The following KYAT1 variants were observed in gnomAD, a reference collection of about 807,000 sequenced individuals.
KYAT1 encodes kynurenine aminotransferase 1.
A neutral mutation model predicts 52.4 loss-of-function variants in KYAT1; 47 were observed. The ratio of observed to expected loss-of-function variants is 0.90; its 90% confidence interval spans 0.71 to 1.14. KYAT1 has a LOEUF of 1.14. Ranked by LOEUF, KYAT1 falls within the 50% of genes most tolerant of loss-of-function variation. The pLI is 0.00. For synonymous variants in KYAT1, 212 were observed against 209.6 expected, an observed-to-expected ratio of 1.01 and a Z score of -0.10; for missense variants, 480 against 557.9, an observed-to-expected ratio of 0.86 and a Z score of 1.41.
intron 1 of KYAT1, among the ~76,000 whole-genome samples, chr9:128,876,808 C>A (rs982238547): frequency 1.3e-5 from 2 of 149,496 alleles, no homozygotes; most frequent in Non-Finnish European, 3.0e-5. Context: ...CTCACTGCAA[C>A]CCCCACCTGC....
At chr9:128,865,330 T>TAC (rs1836110118) in intron 1 of KYAT1, among the ~76,000 whole-genome samples, 3 of 2,464 alleles carry the variant, frequency 1.2e-3, no homozygotes, top group African/African-American at 2.6e-3. Flanking sequence ...TATATATATA[T>TAC]ATATATATAT....
chr9:128,843,653 A>G (rs1832606014), intron 2 of KYAT1, among the ~76,000 whole-genome samples: 1 of 152,172 alleles, frequency 6.6e-6, no homozygotes, highest in South Asian at 2.1e-4. Flanking sequence ...AAGTGCTAGC[A>G]GTACAGGCGT....
chr9:128,852,522 TTGA>T (rs1184322516), intron 1 of KYAT1, among the ~76,000 whole-genome samples: 2 of 152,220 alleles, frequency 1.3e-5, no homozygotes, highest in Non-Finnish European at 2.9e-5. Context: ...ATTCATTATG[TTGA>T]TGATATTTTG....
intron 1 of KYAT1, among the ~76,000 whole-genome samples, chr9:128,873,765 AG>A (rs1302605534): frequency 6.6e-6 from 1 of 151,532 alleles, no homozygotes; most frequent in Non-Finnish European, 1.5e-5. Context: ...CATCTCAAAA[AG>A]AAAAAAAAAA....
At chr9:128,856,151 T>C (rs1239711877) in intron 1 of KYAT1, among the ~76,000 whole-genome samples, 2 of 152,174 alleles carry the variant, frequency 1.3e-5, no homozygotes, top group Admixed American at 6.5e-5. Flanking sequence ...GAAGAGAAGA[T>C]AACCTTACTT....
At chr9:128,845,179 T>G (rs1051567392) in intron 2 of KYAT1, among the ~76,000 whole-genome samples, 174 bp downstream of exon 2, 1 of 152,112 alleles carries the variant, frequency 6.6e-6, no homozygotes, top group East Asian at 1.9e-4. Flanking sequence ...AGAAGAAAGC[T>G]GAGATTTGAA....
intron 1 of KYAT1, among the ~76,000 whole-genome samples, chr9:128,850,418 AG>A (rs755965910): frequency 4.6e-5 from 7 of 152,210 alleles, no homozygotes; most frequent in Admixed American, 1.3e-4. Flanking sequence ...GTAGGGAACC[AG>A]GGTTTAAGGG....
Position 128,837,807 on chromosome 9 carries a change from T to A in KYAT1, c.445A>T (p.Ile149Phe). The change falls in exon 6 of 13, where the codon ATC becomes TTC. Residue 149 changes from isoleucine (I) to phenylalanine (F), a missense_variant. Physicochemically the swap from Ile to Phe is conservative, Grantham distance 21. Transcript: ENST00000302586. The part of the protein sequence containing the change: ...PVFVSLKPGP[I>F]QNGELGSSSN... ...CTGGAACCCAGTTCTCCATTCTGGA[T>A]GGGACCCTGCAAGAGCAGGTGGCAT... 1.9e-6 allele frequency: 3 copies of A among 1,614,038 alleles called. No individual in the cohort carries two copies. The highest frequency in any genetic ancestry group is 2.5e-6 in the Non-Finnish European group (3 of 1,179,968).
intron 1 of KYAT1, among the ~76,000 whole-genome samples, chr9:128,881,346 G>T (rs1838864898): frequency 6.6e-6 from 1 of 152,184 alleles, no homozygotes; most frequent in South Asian, 2.1e-4. Context: ...CTCCCAAAGT[G>T]CTGGGATTAC....
chr9:128,879,452 T>A (rs1272524680), intron 1 of KYAT1, among the ~76,000 whole-genome samples: 1 of 152,148 alleles, frequency 6.6e-6, no homozygotes, highest in African/African-American at 2.4e-5. Flanking sequence ...CCCACCTGGA[T>A]TATAAAATCA....
chr9:128,870,360 A>G (rs747408166), intron 1 of KYAT1, among the ~76,000 whole-genome samples: 2 of 152,222 alleles, frequency 1.3e-5, no homozygotes, highest in Non-Finnish European at 2.9e-5. Flanking sequence ...AAATATATTA[A>G]GTGAGGCCAG....
At chr9:128,844,287 A>G (rs923309965) in intron 2 of KYAT1, among the ~76,000 whole-genome samples, 3 of 152,188 alleles carry the variant, frequency 2.0e-5, no homozygotes, top group African/African-American at 4.8e-5. Context: ...TTATGCCTGT[A>G]TTCCCCAGCA....
intron 1 of KYAT1, among the ~76,000 whole-genome samples, chr9:128,848,318 C>CAAAAAAAAAAAAAAAAAAA (rs56157823): frequency 1.4e-5 from 1 of 73,592 alleles, no homozygotes. Flanking sequence ...AGATATGTCT[C>CAAAAAAAAAAAAAAAAAAA]AAAAAAAAAA....
intron 6 of KYAT1, among the ~76,000 whole-genome samples, chr9:128,837,395 T>C (rs1429043238): frequency 6.6e-6 from 1 of 152,232 alleles, no homozygotes; most frequent in African/African-American, 2.4e-5. Context: ...GTCAGTTCCC[T>C]CAGGTTCCCA....
chr9:128,834,911 T>A (rs6478855), intron 11 of KYAT1, among the ~76,000 whole-genome samples: 2 of 148,334 alleles, frequency 1.3e-5, no homozygotes, highest in Non-Finnish European at 3.0e-5. Context: ...CCGAGGCAGG[T>A]GGATTACAAG....
intron 3 of KYAT1, among the ~76,000 whole-genome samples, chr9:128,838,770 G>A (rs963317392): frequency 1.3e-5 from 2 of 152,088 alleles, no homozygotes; most frequent in South Asian, 2.1e-4. Context: ...TGCCAGGCCC[G>A]AAGCCCAGGG....
intron 3 of KYAT1, among the ~76,000 whole-genome samples, chr9:128,839,947 C>T (rs1282432177): frequency 6.6e-6 from 1 of 151,938 alleles, no homozygotes; most frequent in Admixed American, 6.6e-5. Flanking sequence ...GTCCCAGGTA[C>T]TCGGGAGGCT....
rs1411694723 is a variant in KYAT1, at chr9:128,835,318, C to A, written c.1122+5G>T. The A allele has an allele frequency of 2.5e-6, 4 of 1,612,932 alleles. No homozygotes were observed. The highest frequency in any genetic ancestry group is 2.5e-6 in the Non-Finnish European group (3 of 1,179,192). On this transcript the variant is annotated splice_donor_5th_base_variant and intron_variant, in intron 11 of 12. Transcript: ENST00000302586. ...ACATGGCTGCCTGGCAGAGGCCCAG[C>A]CCACCTTGTTCTTGATCATCCACTT...
Position 128,842,814 on chromosome 9 carries a change from T to A in KYAT1, c.54-13A>T, listed in dbSNP as rs1209738472. 6.2e-7 allele frequency: 1 copy of A among 1,610,912 alleles called. No individual in the cohort carries two copies. Among genetic ancestry groups the A allele is most frequent in the Non-Finnish European group, 8.5e-7 (1 of 1,178,496 alleles). On this transcript the variant is annotated splice_polypyrimidine_tract_variant and intron_variant, in intron 2 of 12. Transcript: ENST00000302586. ...CACAAACTCCACCCTGGGTAACAAATGGAGAATCAGCACCAGCCCAGCCCT... is the reference window on the plus strand; with the variant it reads ...CACAAACTCCACCCTGGGTAACAAAAGGAGAATCAGCACCAGCCCAGCCCT...
Sources: allele counts gnomAD v4.1 joint callset (sites outside exome capture counted in the v4.1 genomes callset), GRCh38; gene constraint gnomAD v4.1.1; transcripts MANE v1.5; gene names NCBI Gene and HGNC (gene_info 2026-07-23, HGNC 2026-07-21).